The following ANKRD35 variants were observed in gnomAD, a reference collection of about 807,000 sequenced individuals.
The protein encoded by ANKRD35 is ankyrin repeat domain 35.
Under a neutral mutation model 109.9 loss-of-function variants are expected in ANKRD35, and 102 were observed. The observed-to-expected ratio is 0.93, with a 90% confidence interval of 0.79 to 1.09. The LOEUF (loss-of-function observed/expected upper bound fraction) is 1.09, where lower values mean the gene tolerates loss of function less well. Among genes scored for constraint, ANKRD35 ranks in the 50% least tolerant of loss-of-function variants. ANKRD35 has a pLI of 0.00. For synonymous variants in ANKRD35, 515 were observed against 512.4 expected, an observed-to-expected ratio of 1.01 and a Z score of -0.07; for missense variants, 1,240 against 1,230.1, an observed-to-expected ratio of 1.01 and a Z score of -0.12.
intron 7 of ANKRD35, 46 bp from the exon 8 acceptor site, chr1:145,875,052 C>T: frequency 6.5e-7 from 1 of 1,528,014 alleles, no homozygotes; most frequent in Middle Eastern, 1.8e-4. Context: ...ACATGGAACC[C>T]AGAAGTCCTG....
rs139679860 is a variant in ANKRD35 at position 145,882,939 on chromosome 1, A to G, written c.39+2781T>C. 6.0e-3 allele frequency among the ~76,000 whole-genome samples: 910 copies of G among 152,290 alleles called. 6 individuals are homozygous for G. Among genetic ancestry groups the G allele is most frequent in the African/African-American group, 0.021 (868 of 41,554 alleles). On this transcript the variant is annotated intron_variant, in intron 1 of 13. Transcript: ENST00000355594. ...TCCTTATATCTCTGGCTGTGTACCT[A>G]TAAGCATCCTACAACATGGAAGCAC...
intron 11 of ANKRD35, 98 bp from the exon 12 acceptor site, chr1:145,868,154 G>A (rs587617947): frequency 1.4e-5 from 20 of 1,475,628 alleles, no homozygotes; most frequent in East Asian, 4.5e-5. Flanking sequence ...AGGTGGGCTC[G>A]TTGGCCCATC....
Position 145,879,320 on chromosome 1 carries a change from CA to C in ANKRD35, c.107del (p.Val36GlyfsTer31), listed in dbSNP as rs1559177088. On this transcript the variant is annotated frameshift_variant, in exon 2 of 14. Coordinates refer to ENST00000355594, the MANE Select transcript of ANKRD35 (RefSeq NM_144698.5). LOFTEE classifies it high-confidence loss of function. ...CAGATTTCCTGGAGGCCAGGGCAGC[CA>C]CGCGTCCCACATCCCCCCTGTGCAC... ...EAVHRGDVGR[V>X]AALASRKSAR... The C allele has an allele frequency of 6.2e-7, 1 of 1,611,336 alleles. No homozygotes were observed. Among genetic ancestry groups the C allele is most frequent in the Admixed American group, 1.7e-5 (1 of 59,672 alleles).
Position 145,873,888 on chromosome 1 carries a change from C to T in ANKRD35, c.881G>A (p.Cys294Tyr). The T allele has an allele frequency of 6.2e-7, 1 of 1,614,158 alleles. No individual in the cohort carries two copies. The change falls in exon 10 of 14, where the codon TGC becomes TAC. Residue 294 changes from cysteine to tyrosine, a missense_variant. By Grantham distance (194) the Cys-to-Tyr change is radical. Transcript: ENST00000355594. ...EQEEKEDEDP[C>Y]SEEWRWKYEE... is the part of the protein sequence containing the mutation. ...ATACTTCCACCTCCACTCCTCCGAGCACGGGTCTTCATCCTCCTTCTCCTC... is the reference window on the plus strand; with the variant it reads ...ATACTTCCACCTCCACTCCTCCGAGTACGGGTCTTCATCCTCCTTCTCCTC...
At chr1:145,874,605 C>T (rs10797650) in intron 8 of ANKRD35, among the ~76,000 whole-genome samples, 73,786 of 151,998 alleles carry the variant, frequency 0.49, 19,481 homozygotes, top group East Asian at 0.7. Flanking sequence ...CTAGCCAGAG[C>T]TGTCCTCAGT....
At position 145,871,974 on chromosome 1, in the gene ANKRD35, C is replaced by T. The variant is rs781859377; in HGVS notation, c.2787+8G>A. ...CCAGTGCTCCCCAGGGCTACCTCAGCTGCTCACCTTGGCTTCCTTGTCTCG... is the reference window on the plus strand; with the variant it reads ...CCAGTGCTCCCCAGGGCTACCTCAGTTGCTCACCTTGGCTTCCTTGTCTCG... On this transcript the variant is annotated splice_region_variant and intron_variant, in intron 10 of 13. Transcript: ENST00000355594. The T allele has an allele frequency of 2.5e-6, 4 of 1,608,726 alleles. No individual in the cohort carries two copies. Among genetic ancestry groups the T allele is most frequent in the Non-Finnish European group, 3.4e-6 (4 of 1,179,906 alleles).
At chr1:145,881,948 T>G (rs587634650) in intron 1 of ANKRD35, among the ~76,000 whole-genome samples, 1 of 144,536 alleles carries the variant, frequency 6.9e-6, no homozygotes, top group African/African-American at 2.6e-5. Flanking sequence ...TCTTTCCCCT[T>G]CTTTTTTTTT....
Position 145,876,643 on chromosome 1 carries a change from G to A in ANKRD35, c.383-4C>T, listed in dbSNP as rs781891739. The A allele has an allele frequency of 1.2e-6, 2 of 1,614,074 alleles. No homozygotes were observed. On this transcript the variant is annotated splice_polypyrimidine_tract_variant and splice_region_variant and intron_variant, in intron 5 of 13. Coordinates refer to ENST00000355594, the MANE Select transcript of ANKRD35 (RefSeq NM_144698.5). The stretch of plus-strand genomic sequence containing the variant: ...CTTGAGGCACAGCCAGAGGAGGCTG[G>A]GGAGAAGATGTTTGGGTTAAGGGGA...
chr1:145,876,321 C>T, intron 6 of ANKRD35, 75 bp from the exon 7 acceptor site: 6 of 1,401,340 alleles, frequency 4.3e-6, no homozygotes, highest in Non-Finnish European at 5.9e-6. Context: ...GGCTCCCCTC[C>T]CCTCACACCT....
intron 1 of ANKRD35, among the ~76,000 whole-genome samples, chr1:145,882,516 C>T (rs1191422712): frequency 1.3e-5 from 2 of 150,134 alleles, no homozygotes; most frequent in African/African-American, 4.9e-5. Context: ...GTCTCAAAAA[C>T]TCCTGGGCTC....
intron 1 of ANKRD35, among the ~76,000 whole-genome samples, chr1:145,880,622 T>C (rs1215811486): frequency 6.6e-6 from 1 of 152,146 alleles, no homozygotes; most frequent in Non-Finnish European, 1.5e-5. Flanking sequence ...TGGTGGCACA[T>C]AGCATTTTAT....
intron 4 of ANKRD35, 58 bp downstream of exon 4, chr1:145,877,910 G>A (rs1418641879): frequency 1.3e-6 from 2 of 1,537,284 alleles, no homozygotes; most frequent in Non-Finnish European, 1.8e-6. Context: ...AATGAAGTTA[G>A]AAAACTCTGG....
In ANKRD35 at chr1:145,876,233, G is replaced by A. The variant is rs1212395079; in HGVS notation, c.467C>T (p.Pro156Leu). Reference protein sequence around the residue: ...LDVLDNDGRTPLMIASLGGHA... With the variant: ...LDVLDNDGRTLLMIASLGGHA... The stretch of plus-strand genomic sequence containing the variant: ...CCCACCCAGCGATGCGATCATCAGG[G>A]GTGTACGTCCATCCTGCACAGATTG... The change falls in exon 7 of 14, where the codon CCC (proline) becomes CTC (leucine). Residue 156 changes from proline to leucine, a missense_variant. By Grantham distance (98) the Pro-to-Leu change is moderately conservative. Transcript: ENST00000355594. 2 of 1,613,636 alleles carry A rather than the reference G, an allele frequency of 1.2e-6. No individual in the cohort carries two copies. The highest frequency in any genetic ancestry group is 3.3e-5 in the Admixed American group (2 of 59,972).
intron 1 of ANKRD35, among the ~76,000 whole-genome samples, chr1:145,882,698 C>T (rs1227770723): frequency 2.0e-5 from 3 of 152,072 alleles, no homozygotes; most frequent in East Asian, 1.9e-4. Context: ...CTTTTCATGG[C>T]CAAGCCTCTG....
chr1:145,876,569 A>G lies in ANKRD35; in HGVS notation c.453T>C (p.Asn151=). Reference sequence around the variant, plus strand: ...GCCCACTTGCCCATCTGACACTCACATTATCCAACACGTCCAGGAAGGCTT... The same window carrying G: ...GCCCACTTGCCCATCTGACACTCACGTTATCCAACACGTCCAGGAAGGCTT... The part of the protein sequence containing the change: ...DHEAFLDVLD[N]DGRTPLMIAS... The change falls in exon 6 of 14, where the codon AAT becomes AAC. Residue 151 remains asparagine (N), a splice_region_variant and synonymous_variant. Transcript: ENST00000355594. 1 of 1,614,166 alleles carries G rather than the reference A, an allele frequency of 6.2e-7. No homozygotes were observed. The highest frequency in any genetic ancestry group is 8.5e-7 in the Non-Finnish European group (1 of 1,180,042).
chr1:145,880,571 A>G (rs1469062902), intron 1 of ANKRD35, among the ~76,000 whole-genome samples: 1 of 152,244 alleles, frequency 6.6e-6, no homozygotes, highest in Non-Finnish European at 1.5e-5. Flanking sequence ...ATACAAATAT[A>G]TGGCATCCTT....
At position 145,883,282 on chromosome 1, in the gene ANKRD35, G is replaced by A. The variant is rs1410493006; in HGVS notation, c.39+2438C>T. Reference sequence around the variant, plus strand: ...GTATTTTTAGTAGAGATAGGGTATCGCCATGTTGGCCAGGCTGGTCCCAAA... The same window carrying A: ...GTATTTTTAGTAGAGATAGGGTATCACCATGTTGGCCAGGCTGGTCCCAAA... On this transcript the variant is annotated intron_variant, in intron 1 of 13. Transcript: ENST00000355594. Among the ~76,000 whole-genome samples the A allele has an allele frequency of 6.6e-5, 10 of 152,050 alleles. No individual in the cohort carries two copies. In the East Asian group the frequency reaches 1.9e-3, roughly 29 times the overall value.
Position 145,872,092 on chromosome 1 carries a change from G to A in ANKRD35, c.2677C>T (p.Arg893Cys), listed in dbSNP as rs1553738774. Residue 893 changes from arginine (R) to cysteine (C), a missense_variant, in exon 10 of 14, where the codon CGC becomes TGC. Arg to Cys is a radical substitution (Grantham distance 180). Transcript: ENST00000355594. ...DLAAQAAEQE[R>C]QASEMRGRSE... Reference sequence around the variant, plus strand: ...CGCCCCCGCATCTCGCTGGCCTGGCGCTCTTGTTCGGCTGCCTGAGCGGCC... The same window carrying A: ...CGCCCCCGCATCTCGCTGGCCTGGCACTCTTGTTCGGCTGCCTGAGCGGCC... 6.2e-7 allele frequency: 1 copy of A among 1,613,200 alleles called. No homozygotes were observed. Among genetic ancestry groups the A allele is most frequent in the Non-Finnish European group, 8.5e-7 (1 of 1,179,690 alleles).
chr1:145,875,112 A>T, intron 7 of ANKRD35, 106 bp from the exon 8 acceptor site: 2 of 1,142,494 alleles, frequency 1.8e-6, no homozygotes, highest in Non-Finnish European at 2.5e-6. Flanking sequence ...TGGGGTCAGG[A>T]GAACAACAGA....
Sources: gnomAD v4.1 joint callset for allele counts (sites outside exome capture counted in the v4.1 genomes callset) on GRCh38, gnomAD v4.1.1 for gene constraint, MANE v1.5 for transcripts, NCBI Gene and HGNC (gene_info 2026-07-23, HGNC 2026-07-21) for gene names.